CCDC102B: variants seen among roughly 807,000 people sequenced by gnomAD.
CCDC102B encodes coiled-coil domain containing 102B.
Under a neutral mutation model 57.4 loss-of-function variants are expected in CCDC102B, and 75 were observed. The observed-to-expected ratio is 1.31, with a 90% CI of 1.08 to 1.58. The LOEUF (loss-of-function observed/expected upper bound fraction) is 1.58, where lower values mean the gene tolerates loss of function less well. Ranked by LOEUF, CCDC102B falls within the 40% of genes most tolerant of loss-of-function variation. The pLI is 0.00. For missense variants in CCDC102B, 636 were observed against 582.6 expected, an observed-to-expected ratio of 1.09 and a Z score of -0.94; for synonymous variants, 206 against 201.9, an observed-to-expected ratio of 1.02 and a Z score of -0.17.
chr18:68,990,370 A>C (rs1442967254), intron 6 of CCDC102B, among the ~76,000 whole-genome samples: 1 of 152,164 alleles, frequency 6.6e-6, no homozygotes, highest in African/African-American at 2.4e-5. Context: ...TACAGGATCC[A>C]GCCTTTAATT....
chr18:68,842,386 T>G (rs2144804371), intron 3 of CCDC102B, among the ~76,000 whole-genome samples: 1 of 152,234 alleles, frequency 6.6e-6, no homozygotes, highest in South Asian at 2.1e-4. Context: ...CCTTTACCAT[T>G]TTTTGACTCT....
chr18:68,927,691 G>A (rs1300710086), intron 6 of CCDC102B, among the ~76,000 whole-genome samples: 2 of 151,938 alleles, frequency 1.3e-5, no homozygotes, highest in African/African-American at 2.4e-5. Context: ...CACTTCTGGG[G>A]ATATAATACT....
At chr18:69,006,756 AAAG>A (rs1224116691) in intron 6 of CCDC102B, among the ~76,000 whole-genome samples, 1 of 152,140 alleles carries the variant, frequency 6.6e-6, no homozygotes, top group East Asian at 1.9e-4. Context: ...TTTGAGAATT[AAAG>A]AAGAAATCCA....
chr18:68,925,379 C>T (rs774016326), intron 6 of CCDC102B, among the ~76,000 whole-genome samples: 2 of 151,830 alleles, frequency 1.3e-5, no homozygotes, highest in Non-Finnish European at 2.9e-5. Flanking sequence ...AATATACAGA[C>T]GGGGCTAGAA....
At chr18:68,953,396 T>C (rs2049755793) in intron 6 of CCDC102B, among the ~76,000 whole-genome samples, 1 of 145,676 alleles carries the variant, frequency 6.9e-6, no homozygotes, top group Admixed American at 7.2e-5. Context: ...TCCTTACAAG[T>C]ATGAGGTGGT....
intron 2 of CCDC102B, among the ~76,000 whole-genome samples, chr18:68,778,807 T>C (rs1286577421): frequency 1.3e-5 from 2 of 149,480 alleles, no homozygotes; most frequent in Non-Finnish European, 3.0e-5. Context: ...AGCAGAACCA[T>C]GAAGAAATAG....
rs550381969 is a variant in CCDC102B, at chr18:68,893,671, AGTT to A, written c.1054-3541_1054-3539del. On this transcript the variant is annotated intron_variant, in intron 5 of 7. Coordinates refer to ENST00000360242, the MANE Select transcript of CCDC102B (RefSeq NM_024781.3). Reference sequence around the variant, plus strand: ...CCTGGTTTCATAAAGCTTACATTCCAGTTGTTGTTAATGATTACAATTGTCAGT... The same window carrying A: ...CCTGGTTTCATAAAGCTTACATTCCAGTTGTTAATGATTACAATTGTCAGT... Among the ~76,000 whole-genome samples the A allele has an allele frequency of 2.2e-3, 331 of 152,274 alleles. 1 individual carries two copies. Among genetic ancestry groups the A allele is most frequent in the Non-Finnish European group, 4.2e-3 (284 of 67,996 alleles).
At chr18:68,994,841 C>T (rs1411793821) in intron 6 of CCDC102B, among the ~76,000 whole-genome samples, 1 of 152,194 alleles carries the variant, frequency 6.6e-6, no homozygotes, top group Non-Finnish European at 1.5e-5. Flanking sequence ...TAAATTGCTA[C>T]TGCAGACAGT....
chr18:68,914,485 T>G lies in CCDC102B; in HGVS notation c.1263+17057T>G, dbSNP rs74973480. Reference sequence around the variant, plus strand: ...ATACATATTATCGTAAAATAAAAATTTATAAAGCATGCAATCATCCTGTGG... The same window carrying G: ...ATACATATTATCGTAAAATAAAAATGTATAAAGCATGCAATCATCCTGTGG... On this transcript the variant is annotated intron_variant, in intron 6 of 7. Coordinates refer to ENST00000360242, the MANE Select transcript of CCDC102B (RefSeq NM_024781.3). Among the ~76,000 whole-genome samples, 642 of 152,262 alleles carry G rather than the reference T, an allele frequency of 4.2e-3. 10 individuals are homozygous for G. Among genetic ancestry groups the G allele is most frequent in the African/African-American group, 0.015 (609 of 41,542 alleles).
chr18:69,026,433 C>T (rs2051992841), intron 7 of CCDC102B, among the ~76,000 whole-genome samples: 1 of 147,774 alleles, frequency 6.8e-6, no homozygotes, highest in Non-Finnish European at 1.5e-5. Context: ...CACCAATGCA[C>T]TCACTCCAGC....
At position 68,960,139 on chromosome 18, in the gene CCDC102B, A is replaced by G. The variant is rs536554639; in HGVS notation, c.1264-50795A>G. Among the ~76,000 whole-genome samples the G allele has an allele frequency of 2.6e-5, 4 of 152,330 alleles. No individual in the cohort carries two copies. In the East Asian group the frequency reaches 7.7e-4, roughly 29 times the overall value. The stretch of plus-strand genomic sequence containing the variant: ...CCAGTAGAGCTCAGAGTCTTACCTA[A>G]GGCTCACAGTGAGTACTGCCTATCG... On this transcript the variant is annotated intron_variant, in intron 6 of 7. Transcript: ENST00000360242.
chr18:68,727,084 C>T (rs1483616132), intron 2 of CCDC102B, among the ~76,000 whole-genome samples: 2 of 152,156 alleles, frequency 1.3e-5, no homozygotes. Context: ...GGCTCCATCC[C>T]ATTAAATCAC....
intron 5 of CCDC102B, among the ~76,000 whole-genome samples, chr18:68,887,406 TG>T (rs1162043171): frequency 1.3e-5 from 2 of 152,200 alleles, no homozygotes; most frequent in African/African-American, 4.8e-5. Context: ...AACACTCAAG[TG>T]TATACTCTGA....
chr18:69,010,870 T>C lies in CCDC102B; in HGVS notation c.1264-64T>C, dbSNP rs2051495706. 6.8e-6 allele frequency: 8 copies of C among 1,183,968 alleles called. No individual in the cohort carries two copies. In the South Asian group the frequency reaches 1.5e-4, roughly 22 times the overall value. 73.3% of individuals were successfully genotyped at this position (1,183,968 alleles called of 1,614,324 possible). A position where few individuals can be genotyped will look rare whatever the true frequency, so the allele number is the denominator to read the frequency against. ...GTTTTTCTCTTTTGTCAAAAGAAGT[T>C]GCCATTCTTCTGATTTTATCAGAAT... On this transcript the variant is annotated intron_variant, in intron 6 of 7. Coordinates refer to ENST00000360242, the MANE Select transcript of CCDC102B (RefSeq NM_024781.3).
At chr18:68,976,829 G>A (rs973586277) in intron 6 of CCDC102B, among the ~76,000 whole-genome samples, 1 of 151,508 alleles carries the variant, frequency 6.6e-6, no homozygotes, top group African/African-American at 2.4e-5. Context: ...ACTTATATTG[G>A]CAGGAGACTT....
At chr18:68,848,213 A>AT (rs1265300550) in intron 4 of CCDC102B, among the ~76,000 whole-genome samples, 4 of 151,954 alleles carry the variant, frequency 2.6e-5, no homozygotes, top group African/African-American at 9.6e-5. Flanking sequence ...CGTACAGTTG[A>AT]TTGACAATCA....
intron 2 of CCDC102B, among the ~76,000 whole-genome samples, chr18:68,752,445 T>G (rs1270109260): frequency 5.3e-5 from 5 of 94,564 alleles, no homozygotes; most frequent in Admixed American, 4.0e-4. Context: ...AAAATAAAAA[T>G]AAATAAAGAA....
chr18:68,928,534 G>A (rs2041555093), intron 6 of CCDC102B, among the ~76,000 whole-genome samples: 4 of 151,776 alleles, frequency 2.6e-5, no homozygotes, highest in Admixed American at 2.6e-4. Flanking sequence ...ATGATAAAAT[G>A]AAGAATAAAA....
intron 7 of CCDC102B, among the ~76,000 whole-genome samples, chr18:69,052,233 A>T (rs536537978): frequency 6.6e-6 from 1 of 152,160 alleles, no homozygotes; most frequent in South Asian, 2.1e-4. Context: ...CTAATAAAAA[A>T]TATAAAGAGA....
Sources: gnomAD v4.1 joint callset for allele counts (sites outside exome capture counted in the v4.1 genomes callset) on GRCh38, gnomAD v4.1.1 for gene constraint, MANE v1.5 for transcripts, NCBI Gene and HGNC (gene_info 2026-07-23, HGNC 2026-07-21) for gene names.